The following ZDHHC14 variants were observed in gnomAD, a reference collection of about 807,000 sequenced individuals.
ZDHHC14 encodes zDHHC palmitoyltransferase 14.
Under a neutral mutation model 47.7 loss-of-function variants are expected in ZDHHC14, and 16 were observed. The observed-to-expected ratio is 0.34, with a 90% CI of 0.23 to 0.51. ZDHHC14 has a LOEUF of 0.51. ZDHHC14 is among the 20% of genes least tolerant of loss of function. The pLI, the probability that ZDHHC14 is intolerant of heterozygous loss-of-function variation, is 0.97. For synonymous variants in ZDHHC14, 293 were observed against 278.9 expected, an observed-to-expected ratio of 1.05 and a Z score of -0.50; for missense variants, 515 against 662.5, an observed-to-expected ratio of 0.78 and a Z score of 2.44.
At chr6:157,485,584 G>A (rs1779758042) in intron 1 of ZDHHC14, among the ~76,000 whole-genome samples, 2 of 152,020 alleles carry the variant, frequency 1.3e-5, no homozygotes, top group Admixed American at 1.3e-4. Flanking sequence ...ATTTCTGGCA[G>A]AGATGGGCAG....
intron 3 of ZDHHC14, among the ~76,000 whole-genome samples, chr6:157,599,440 G>A (rs1186361148): frequency 2.0e-5 from 3 of 152,224 alleles, no homozygotes; most frequent in Non-Finnish European, 1.5e-5. Context: ...CTGGGTGGGA[G>A]CCCTTGGCCT....
At chr6:157,413,645 G>A (rs544014923) in intron 1 of ZDHHC14, among the ~76,000 whole-genome samples, 1 of 149,310 alleles carries the variant, frequency 6.7e-6, no homozygotes, top group Non-Finnish European at 1.5e-5. Flanking sequence ...CAGAGACTTA[G>A]TGGGCTGGAT....
intron 3 of ZDHHC14, among the ~76,000 whole-genome samples, chr6:157,599,809 G>A (rs575378604): frequency 5.9e-5 from 9 of 152,276 alleles, no homozygotes; most frequent in East Asian, 1.9e-4. Flanking sequence ...AGGCATTAAC[G>A]TCTGGTAAGA....
intron 1 of ZDHHC14, among the ~76,000 whole-genome samples, chr6:157,389,316 C>G (rs1338955182): frequency 6.6e-6 from 1 of 152,154 alleles, no homozygotes; most frequent in African/African-American, 2.4e-5. Context: ...TTAATAGTTT[C>G]CCCCTCAGAC....
chr6:157,642,482 A>T (rs1202514276), intron 5 of ZDHHC14, among the ~76,000 whole-genome samples: 1 of 152,124 alleles, frequency 6.6e-6, no homozygotes, highest in Non-Finnish European at 1.5e-5. Context: ...CAATTCCACA[A>T]ACGTTTAGTG....
intron 1 of ZDHHC14, among the ~76,000 whole-genome samples, chr6:157,440,540 G>A (rs1227528595): frequency 6.6e-6 from 1 of 152,036 alleles, no homozygotes; most frequent in Non-Finnish European, 1.5e-5. Flanking sequence ...ATATGACCTA[G>A]CAATTCCATT....
At chr6:157,625,472 C>A (rs1785369264) in intron 3 of ZDHHC14, among the ~76,000 whole-genome samples, 1 of 152,008 alleles carries the variant, frequency 6.6e-6, no homozygotes, top group Non-Finnish European at 1.5e-5. Context: ...GCATTTGGAC[C>A]TTGAGATGAA....
intron 3 of ZDHHC14, among the ~76,000 whole-genome samples, chr6:157,626,519 T>G (rs1785426351): frequency 6.6e-6 from 1 of 152,198 alleles, no homozygotes. Context: ...TTAATTTTTT[T>G]TAGAGCTGTT....
At chr6:157,527,860 C>G (rs1287198370) in intron 1 of ZDHHC14, among the ~76,000 whole-genome samples, 1 of 152,146 alleles carries the variant, frequency 6.6e-6, no homozygotes, top group Non-Finnish European at 1.5e-5. Flanking sequence ...TGACGCAAGC[C>G]TAAGAGGGAT....
chr6:157,592,878 T>C (rs1456566133), intron 2 of ZDHHC14, 110 bp from the exon 3 acceptor site: 1 of 1,497,378 alleles, frequency 6.7e-7, no homozygotes, highest in Non-Finnish European at 8.9e-7. Flanking sequence ...CCGGGGGCCC[T>C]GCCAGCCGCT....
At chr6:157,453,860 T>C (rs1778858449) in intron 1 of ZDHHC14, among the ~76,000 whole-genome samples, 1 of 151,818 alleles carries the variant, frequency 6.6e-6, no homozygotes, top group South Asian at 2.1e-4. Flanking sequence ...TCTGCTTTAC[T>C]TCTGGTGGCC....
At chr6:157,487,036 C>G (rs928910755) in intron 1 of ZDHHC14, among the ~76,000 whole-genome samples, 1 of 152,236 alleles carries the variant, frequency 6.6e-6, no homozygotes, top group African/African-American at 2.4e-5. Flanking sequence ...TCAGCAACTA[C>G]TGGACACATA....
intron 3 of ZDHHC14, among the ~76,000 whole-genome samples, chr6:157,611,635 G>A (rs940137804): frequency 7.2e-5 from 11 of 152,294 alleles, no homozygotes; most frequent in Admixed American, 5.9e-4. Flanking sequence ...GGTTGGAGAC[G>A]ATCCAGCAAG....
At position 157,438,037 on chromosome 6, in the gene ZDHHC14, A is replaced by G. The variant is rs371950791; in HGVS notation, c.245+55771A>G. 8.0e-4 allele frequency among the ~76,000 whole-genome samples: 122 copies of G among 152,330 alleles called. 1 individual carries two copies. Among genetic ancestry groups the G allele is most frequent in the African/African-American group, 2.8e-3 (118 of 41,580 alleles). On this transcript the variant is annotated intron_variant, in intron 1 of 8. Coordinates refer to ENST00000359775, the MANE Select transcript of ZDHHC14 (RefSeq NM_024630.3). ...TTTTTTATTGAGGTAAAATATACAT[A>G]ACATAAAATTTACAATTTTAATCAT...
At chr6:157,647,198 C>A (rs1777595617) in intron 6 of ZDHHC14, 61 bp from the exon 7 acceptor site, 43 of 1,150,004 alleles carry the variant, frequency 3.7e-5, no homozygotes, top group Non-Finnish European at 5.6e-5. Flanking sequence ...TGGTCCAGCT[C>A]ACCTCAACTG....
At chr6:157,549,253 G>A (rs1782122156) in intron 2 of ZDHHC14, among the ~76,000 whole-genome samples, 2 of 152,226 alleles carry the variant, frequency 1.3e-5, no homozygotes, top group Non-Finnish European at 2.9e-5. Context: ...ACAGAAAGCC[G>A]AGCCTAGTAT....
rs542870954 is a variant in ZDHHC14 at position 157,456,605 on chromosome 6, T to G, written c.245+74339T>G. 3.1e-4 allele frequency among the ~76,000 whole-genome samples: 47 copies of G among 152,288 alleles called. No homozygotes were observed. The South Asian group carries it at 8.7e-3, about 28-fold the overall frequency. On this transcript the variant is annotated intron_variant, in intron 1 of 8. Transcript: ENST00000359775. ...GCACCACCATGTTTCTCCCTGGCAG[T>G]ACGAGCTGCTTCAGAGAGCAGGTGT...
intron 1 of ZDHHC14, among the ~76,000 whole-genome samples, chr6:157,475,345 A>G (rs911010561): frequency 3.3e-5 from 5 of 151,808 alleles, no homozygotes; most frequent in Non-Finnish European, 7.4e-5. Flanking sequence ...TACTTTGGCT[A>G]TTTGGGATCT....
rs971952713 is a variant in ZDHHC14 at position 157,593,012 on chromosome 6, G to T, written c.431G>T (p.Gly144Val). The change falls in exon 3 of 9, where the codon GGG (glycine) becomes GTG (valine). Residue 144 changes from glycine (G) to valine (V), a missense_variant. Gly to Val is a moderately radical substitution (Grantham distance 109, BLOSUM62 -3). Transcript: ENST00000359775. ...GATATCGCAAACGGCACCAGTTCAGGGGGGTACCGCCCGCCTCCCAGAACC... is the reference window on the plus strand; with the variant it reads ...GATATCGCAAACGGCACCAGTTCAGTGGGGTACCGCCCGCCTCCCAGAACC... The part of the protein sequence containing the change: ...QIDIANGTSS[G>V]GYRPPPRTKE... The T allele has an allele frequency of 3.7e-6, 6 of 1,613,864 alleles. No homozygotes were observed. The highest frequency in any genetic ancestry group is 2.7e-5 in the African/African-American group (2 of 74,926).
Sources: allele counts gnomAD v4.1 joint callset (sites outside exome capture counted in the v4.1 genomes callset), GRCh38; gene constraint gnomAD v4.1.1; transcripts MANE v1.5; gene names NCBI Gene and HGNC (gene_info 2026-07-23, HGNC 2026-07-21).